DLG2: variants seen among roughly 807,000 people sequenced by gnomAD.
DLG2 encodes discs large MAGUK scaffold protein 2, also known as disks large homolog 2.
A neutral mutation model predicts 132.5 loss-of-function variants in DLG2; 45 were observed. That is an observed-to-expected ratio of 0.34 (90% CI 0.27 to 0.44). The LOEUF (loss-of-function observed/expected upper bound fraction) is 0.44. DLG2 is among the 20% of genes least tolerant of loss of function. The pLI is 1.00. For synonymous variants in DLG2, 424 were observed against 419.6 expected (o/e 1.01, Z -0.13); for missense variants, 1,045 against 1,196.9 (o/e 0.87, Z 1.87).
chr11:83,745,313 C>T (rs529736159), intron 18 of DLG2, among the ~76,000 whole-genome samples: 1 of 152,310 alleles, frequency 6.6e-6, no homozygotes, highest in Admixed American at 6.5e-5. Context: ...TATCCTTGAA[C>T]TAAATTTATA....
chr11:83,572,194 A>G (rs17145628), intron 19 of DLG2, among the ~76,000 whole-genome samples: 2,585 of 152,214 alleles, frequency 0.017, 73 homozygotes, highest in African/African-American at 0.059. Flanking sequence ...CCAACTTACT[A>G]TAATTCATTA....
At chr11:84,158,352 C>T (rs895617113) in intron 9 of DLG2, among the ~76,000 whole-genome samples, 9 of 152,128 alleles carry the variant, frequency 5.9e-5, no homozygotes, top group Non-Finnish European at 1.3e-4. Context: ...CATGAGCCAC[C>T]GCCCCTGGCC....
chr11:85,607,338 T>C (rs1565753445), intron 2 of DLG2, among the ~76,000 whole-genome samples: 1 of 152,032 alleles, frequency 6.6e-6, no homozygotes. Context: ...GAGCCAAGGG[T>C]CGACAGAGGG....
intron 15 of DLG2, among the ~76,000 whole-genome samples, chr11:83,893,868 T>C (rs569374046): frequency 1.3e-5 from 2 of 152,278 alleles, no homozygotes; most frequent in East Asian, 3.9e-4. Context: ...CTGAGGAAAA[T>C]GTGTTGACTT....
intron 6 of DLG2, among the ~76,000 whole-genome samples, chr11:84,884,325 T>TAAAAC (rs10539629): frequency 5.3e-5 from 8 of 151,038 alleles, no homozygotes; most frequent in East Asian, 1.9e-4. Context: ...TGTCTAAATG[T>TAAAAC]AAAACAAAAC....
chr11:84,664,948 G>T (rs1188724884), intron 6 of DLG2, among the ~76,000 whole-genome samples: 1 of 152,046 alleles, frequency 6.6e-6, no homozygotes, highest in Non-Finnish European at 1.5e-5. Flanking sequence ...AGTGGAATAT[G>T]AGTAGGTATG....
chr11:84,483,532 ACTGT>A (rs1567751375), intron 7 of DLG2, among the ~76,000 whole-genome samples: 2 of 151,872 alleles, frequency 1.3e-5, no homozygotes, highest in Admixed American at 1.3e-4. Context: ...TACTTTTTGC[ACTGT>A]CGTTCTGATA....
intron 7 of DLG2, among the ~76,000 whole-genome samples, chr11:84,289,944 T>C (rs1372081339): frequency 1.3e-5 from 2 of 152,118 alleles, no homozygotes; most frequent in South Asian, 2.1e-4. Context: ...AATATAGTAA[T>C]GCATTACATA....
At chr11:84,801,177 AGTAT>A (rs1417808818) in intron 6 of DLG2, among the ~76,000 whole-genome samples, 13 of 152,222 alleles carry the variant, frequency 8.5e-5, no homozygotes, top group Non-Finnish European at 1.9e-4. Flanking sequence ...AAAACTTCAC[AGTAT>A]GTATGAGTTA....
At chr11:84,259,957 C>T (rs1044146633) in intron 7 of DLG2, among the ~76,000 whole-genome samples, 45 of 152,168 alleles carry the variant, frequency 3.0e-4, no homozygotes, top group Non-Finnish European at 5.9e-4. Context: ...CTGTTCTAGT[C>T]AACACAATTT....
intron 3 of DLG2, among the ~76,000 whole-genome samples, chr11:85,289,303 C>T (rs1242566178): frequency 6.6e-6 from 1 of 152,088 alleles, no homozygotes; most frequent in Non-Finnish European, 1.5e-5. Flanking sequence ...CCATCATTCC[C>T]ACTGCCAGAG....
At chr11:85,178,965 A>AT (rs2079513930) in intron 4 of DLG2, among the ~76,000 whole-genome samples, 5 of 151,920 alleles carry the variant, frequency 3.3e-5, no homozygotes, top group Non-Finnish European at 1.5e-5. Context: ...ACAGCTGAGA[A>AT]TTTTCCAGGA....
At chr11:83,700,438 T>C (rs1461984329) in intron 18 of DLG2, among the ~76,000 whole-genome samples, 4 of 152,100 alleles carry the variant, frequency 2.6e-5, no homozygotes, top group African/African-American at 9.7e-5. Flanking sequence ...TCCCAGAAAT[T>C]TGAGAGAAAA....
At chr11:84,291,949 G>A (rs995164873) in intron 7 of DLG2, among the ~76,000 whole-genome samples, 1 of 152,126 alleles carries the variant, frequency 6.6e-6, no homozygotes, top group Non-Finnish European at 1.5e-5. Context: ...ATGCTTACAG[G>A]TTCTAAACTT....
At chr11:83,748,513 T>C (rs192698536) in intron 18 of DLG2, among the ~76,000 whole-genome samples, 123 of 152,296 alleles carry the variant, frequency 8.1e-4, no homozygotes, top group Non-Finnish European at 1.3e-3. Context: ...AAATGCTCAC[T>C]GTTTAGTGAA....
intron 6 of DLG2, among the ~76,000 whole-genome samples, chr11:85,046,832 C>G (rs1276218686): frequency 2.0e-5 from 3 of 151,792 alleles, no homozygotes; most frequent in Admixed American, 6.6e-5. Flanking sequence ...TCTGCTCCAT[C>G]CTGTATATGT....
At chr11:84,306,440 A>C (rs963201675) in intron 7 of DLG2, among the ~76,000 whole-genome samples, 1 of 152,208 alleles carries the variant, frequency 6.6e-6, no homozygotes, top group African/African-American at 2.4e-5. Context: ...TTATGTTTTA[A>C]GGATATGGTC....
chr11:84,350,522 T>C (rs1001117000), intron 7 of DLG2, among the ~76,000 whole-genome samples: 4 of 152,158 alleles, frequency 2.6e-5, no homozygotes, highest in Non-Finnish European at 4.4e-5. Context: ...CTAACCACCA[T>C]GAAGACACGG....
intron 8 of DLG2, among the ~76,000 whole-genome samples, chr11:84,172,593 A>C (rs2095850269): frequency 6.6e-6 from 1 of 151,698 alleles, no homozygotes; most frequent in African/African-American, 2.4e-5. Context: ...CCCAGGCTGG[A>C]GTGCAGTGGT....
Sources: gnomAD v4.1 joint callset for allele counts (sites outside exome capture counted in the v4.1 genomes callset) on GRCh38, gnomAD v4.1.1 for gene constraint, MANE v1.5 for transcripts, NCBI Gene and HGNC (gene_info 2026-07-23, HGNC 2026-07-21) for gene names.